The following EDEM3 variants were observed in gnomAD, a reference collection of about 807,000 sequenced individuals.
EDEM3 encodes ER degradation enhancing alpha-mannosidase like protein 3.
EDEM3 carries 60 observed loss-of-function variants against 110.2 expected under a neutral mutation model. The observed-to-expected ratio is 0.54, with a 90% confidence interval of 0.44 to 0.67. The LOEUF (loss-of-function observed/expected upper bound fraction) is 0.67, where lower values mean the gene tolerates loss of function less well. Among genes scored for constraint, EDEM3 ranks in the 30% least tolerant of loss-of-function variants. The probability of loss-of-function intolerance (pLI) is 0.00; values close to 1 mark genes in which losing one functional copy is unlikely to be tolerated. For synonymous variants in EDEM3, 352 were observed against 382.9 expected, an observed-to-expected ratio of 0.92 and a Z score of 0.94; for missense variants, 996 against 1,121.0, an observed-to-expected ratio of 0.89 and a Z score of 1.59.
chr1:184,736,643 C>T (rs1571407343), intron 4 of EDEM3, among the ~76,000 whole-genome samples: 1 of 152,078 alleles, frequency 6.6e-6, no homozygotes, highest in Non-Finnish European at 1.5e-5. Context: ...CTTATGAACA[C>T]AGCAATATAA....
Position 184,711,745 on chromosome 1 carries a change from A to G in EDEM3, c.1669T>C (p.Cys557Arg). ...EPLKNVVDKS[C>R]PRGIIRVEES... ...TACACTCTGATGATGCCTCTAGGAC[A>G]GCTCTTATCCACCACATTTTTCAAG... Residue 557 changes from cysteine to arginine, a missense_variant, in exon 15 of 20, where the codon TGT becomes CGT. Physicochemically the swap from Cys to Arg is radical, Grantham distance 180. This residue lies in a region of EDEM3 where 138 missense variants were observed against 124.3 expected (regional missense o/e 1.11). Transcript: ENST00000318130. 1.2e-6 allele frequency: 2 copies of G among 1,611,998 alleles called. No individual in the cohort carries two copies. The highest frequency in any genetic ancestry group is 2.2e-5 in the East Asian group (1 of 44,788).
intron 19 of EDEM3, among the ~76,000 whole-genome samples, chr1:184,698,793 AG>A (rs1649460571): frequency 7.0e-6 from 1 of 143,114 alleles, no homozygotes; most frequent in African/African-American, 2.5e-5. Context: ...ACAGAGACAG[AG>A]AGAGAGAGAC....
chr1:184,695,357 A>G (rs1649275755), intron 19 of EDEM3, among the ~76,000 whole-genome samples: 4 of 152,100 alleles, frequency 2.6e-5, no homozygotes, highest in South Asian at 4.1e-4. Flanking sequence ...AACGGGAGAA[A>G]AAGATATTAT....
At chr1:184,751,440 A>G (rs1571432994) in intron 1 of EDEM3, among the ~76,000 whole-genome samples, 2 of 152,306 alleles carry the variant, frequency 1.3e-5, no homozygotes, top group East Asian at 3.9e-4. Flanking sequence ...ACAAGCATTC[A>G]ATTTTCAAGA....
Position 184,695,406 on chromosome 1 carries a change from G to A in EDEM3, c.2390-934C>T, listed in dbSNP as rs376161021. Among the ~76,000 whole-genome samples the A allele has an allele frequency of 2.6e-5, 4 of 152,084 alleles. No homozygotes were observed. In the East Asian group the frequency reaches 7.7e-4, roughly 29 times the overall value. On this transcript the variant is annotated intron_variant, in intron 19 of 19. Coordinates refer to ENST00000318130, the MANE Select transcript of EDEM3 (RefSeq NM_025191.4). ...GAAAATAAATAGAAAACTCAACTGTGACACGTTATGAAAGAGAGATAAGGA... is the reference window on the plus strand; with the variant it reads ...GAAAATAAATAGAAAACTCAACTGTAACACGTTATGAAAGAGAGATAAGGA...
intron 18 of EDEM3, among the ~76,000 whole-genome samples, chr1:184,705,389 T>C (rs1182607973): frequency 1.3e-5 from 2 of 152,170 alleles, no homozygotes; most frequent in African/African-American, 4.8e-5. Context: ...TGAATAAATA[T>C]TTCAGGCTTT....
At chr1:184,730,066 T>C (rs1304993659) in intron 6 of EDEM3, among the ~76,000 whole-genome samples, 1 of 152,208 alleles carries the variant, frequency 6.6e-6, no homozygotes, top group African/African-American at 2.4e-5. Flanking sequence ...TAATTCAATT[T>C]TTCCTCATTA....
chr1:184,691,727 C>G lies in EDEM3; in HGVS notation c.*2336G>C, dbSNP rs1020375638. On this transcript the variant is annotated 3_prime_UTR_variant, in exon 20 of 20. Transcript: ENST00000318130. ...AATGAATGTAGAGTTGTAATTACAA[C>G]GTTGGAGTTTTTTAGACGAACATTA... 1.3e-5 allele frequency: 2 copies of G among 151,786 alleles called. No individual in the cohort carries two copies. The highest frequency in any genetic ancestry group is 4.8e-5 in the African/African-American group (2 of 41,306). 9.4% of individuals were successfully genotyped at this position (151,786 alleles called of 1,614,324 possible).
intron 11 of EDEM3, 58 bp downstream of exon 11, chr1:184,719,104 G>T (rs931317208): frequency 4.7e-5 from 21 of 447,378 alleles, no homozygotes; most frequent in Non-Finnish European, 7.0e-5. Context: ...ATATGTGTAC[G>T]TGTGTGTGTG....
At chr1:184,708,892 G>A (rs1650077357) in intron 16 of EDEM3, among the ~76,000 whole-genome samples, 4 of 152,150 alleles carry the variant, frequency 2.6e-5, no homozygotes, top group Admixed American at 2.6e-4. Context: ...CACAGATGAG[G>A]GAACAATTGA....
At chr1:184,728,173 C>T (rs1651294218) in intron 6 of EDEM3, among the ~76,000 whole-genome samples, 1 of 151,960 alleles carries the variant, frequency 6.6e-6, no homozygotes, top group African/African-American at 2.4e-5. Context: ...AGCTTAAAAT[C>T]CAGACAGAGC....
chr1:184,721,814 C>CA (rs985795343), intron 8 of EDEM3, among the ~76,000 whole-genome samples: 6 of 150,960 alleles, frequency 4.0e-5, no homozygotes, highest in South Asian at 2.1e-4. Context: ...CCTATAGATT[C>CA]AAAAAAACAC....
rs771553558 is a variant in EDEM3 at position 184,754,655 on chromosome 1, G to A, written c.-9C>T. 9 of 1,546,486 alleles carry A rather than the reference G, an allele frequency of 5.8e-6. No homozygotes were observed. Among genetic ancestry groups the A allele is most frequent in the South Asian group, 1.2e-5 (1 of 83,678 alleles). ...CCGCCGGCTTCGCTCATGGCCCCGC[G>A]GTTCCGCGCACGCGCAGCTGCTACG... On this transcript the variant is annotated 5_prime_UTR_variant, in exon 1 of 20. Coordinates refer to ENST00000318130, the MANE Select transcript of EDEM3 (RefSeq NM_025191.4).
At chr1:184,700,771 C>T (rs1025950554) in intron 19 of EDEM3, among the ~76,000 whole-genome samples, 4 of 151,862 alleles carry the variant, frequency 2.6e-5, no homozygotes, top group African/African-American at 9.7e-5. Flanking sequence ...CTTAGGATAT[C>T]CTAAGTGAAT....
Position 184,721,985 on chromosome 1 carries a change from G to A in EDEM3, c.854-599C>T, listed in dbSNP as rs141494892. On this transcript the variant is annotated intron_variant, in intron 8 of 19. Coordinates refer to ENST00000318130, the MANE Select transcript of EDEM3 (RefSeq NM_025191.4). ...ACAGTTTTCATGTTTGTAGCAATAT[G>A]TTGATGCACAAAATATCAAAAATAC... Among the ~76,000 whole-genome samples, 431 of 152,034 alleles carry A rather than the reference G, an allele frequency of 2.8e-3. 4 individuals carry two copies. The East Asian group carries it at 0.035, about 12-fold the overall frequency.
At position 184,754,826 on chromosome 1, in the gene EDEM3, T is replaced by TGCCACCGCC; in HGVS notation, c.-189_-181dup. ...CCAAGCCGGTCCCCAGCGCCAGCGC[T>TGCCACCGCC]GCCACCGCCCTCCGCCCTCAGTATC... On this transcript the variant is annotated 5_prime_UTR_variant, in exon 1 of 20. Coordinates refer to ENST00000318130, the MANE Select transcript of EDEM3 (RefSeq NM_025191.4). The TGCCACCGCC allele has an allele frequency of 9.7e-7, 1 of 1,030,348 alleles. No homozygotes were observed. 63.8% of individuals were successfully genotyped at this position (1,030,348 alleles called of 1,614,324 possible).
At chr1:184,718,924 A>T (rs1157991700) in intron 11 of EDEM3, among the ~76,000 whole-genome samples, 1 of 152,154 alleles carries the variant, frequency 6.6e-6, no homozygotes. Context: ...TAAAATTTTA[A>T]AAATGTCAGC....
chr1:184,740,718 T>A (rs1287886082), intron 2 of EDEM3, among the ~76,000 whole-genome samples: 1 of 152,194 alleles, frequency 6.6e-6, no homozygotes, highest in African/African-American at 2.4e-5. Flanking sequence ...GAATTGAACA[T>A]AAATGAGGTT....
chr1:184,711,859 G>A lies in EDEM3; in HGVS notation c.1555C>T (p.Leu519=), dbSNP rs770544089. 8.7e-6 allele frequency: 14 copies of A among 1,610,276 alleles called. No homozygotes were observed. In the South Asian group the frequency reaches 1.4e-4, roughly 17 times the overall value. The part of the protein sequence containing the change: ...KKNTTSEYTE[L]DDSNFDWTCP... ...GTCCAATCGAAGTTACTGTCATCCA[G>A]TTCTGTATATTCCGAGGTCTACAAG... is the stretch of plus-strand genomic sequence containing the variant. The change falls in exon 15 of 20, where the codon CTG becomes TTG. Residue 519 remains leucine, a synonymous_variant. Coordinates refer to ENST00000318130, the MANE Select transcript of EDEM3 (RefSeq NM_025191.4).
Sources: allele counts gnomAD v4.1 joint callset (sites outside exome capture counted in the v4.1 genomes callset), GRCh38; gene constraint gnomAD v4.1.1; regional missense constraint gnomAD v4.1.1; transcripts MANE v1.5; gene names NCBI Gene and HGNC (gene_info 2026-07-23, HGNC 2026-07-21).